The following MSI2 variants were observed in gnomAD, a reference collection of about 807,000 sequenced individuals.
The protein encoded by MSI2 is musashi RNA binding protein 2, also known as RNA-binding protein Musashi homolog 2.
MSI2 carries 17 observed loss-of-function variants against 45.6 expected under a neutral mutation model. That is an observed-to-expected ratio of 0.37 (90% CI 0.26 to 0.56). The LOEUF (loss-of-function observed/expected upper bound fraction) is 0.56, where lower values mean the gene tolerates loss of function less well. MSI2 is among the 20% of genes least tolerant of loss of function. MSI2 has a pLI of 0.77. For missense variants in MSI2, 293 were observed against 444.2 expected, an observed-to-expected ratio of 0.66 and a Z score of 3.06; for synonymous variants, 156 against 158.2, an observed-to-expected ratio of 0.99 and a Z score of 0.11.
chr17:57,299,561 T>G (rs1029511588), intron 5 of MSI2, among the ~76,000 whole-genome samples: 5 of 152,186 alleles, frequency 3.3e-5, no homozygotes, highest in African/African-American at 1.2e-4. Flanking sequence ...AGTGGATCAG[T>G]TAGAACACAC....
chr17:57,494,149 A>G (rs1222338850), intron 6 of MSI2, among the ~76,000 whole-genome samples: 3 of 152,232 alleles, frequency 2.0e-5, no homozygotes, highest in African/African-American at 7.2e-5. Flanking sequence ...CAAGGCTCAG[A>G]GAGGTTCAAC....
At chr17:57,499,375 TA>T (rs55797448) in intron 6 of MSI2, among the ~76,000 whole-genome samples, 36 of 125,794 alleles carry the variant, frequency 2.9e-4, no homozygotes, top group South Asian at 5.4e-4. Flanking sequence ...GATTCTGTCT[TA>T]AAAAAAAAAA....
chr17:57,359,225 G>A (rs78991065), intron 5 of MSI2, among the ~76,000 whole-genome samples: 65 of 152,272 alleles, frequency 4.3e-4, no homozygotes, highest in Middle Eastern at 3.4e-3. Context: ...CCATCAAGCT[G>A]TCTGGGTCTC....
intron 6 of MSI2, among the ~76,000 whole-genome samples, chr17:57,482,765 A>G (rs1409819448): frequency 6.6e-6 from 1 of 152,204 alleles, no homozygotes. Flanking sequence ...TCTGAAGGCT[A>G]TCTGAATGTG....
intron 6 of MSI2, among the ~76,000 whole-genome samples, chr17:57,507,202 C>CTTTG (rs2086250353): frequency 3.4e-5 from 1 of 29,188 alleles, no homozygotes; most frequent in Admixed American, 4.4e-4. Context: ...AATCTCTTCC[C>CTTTG]ATTGGTTTTT....
intron 7 of MSI2, among the ~76,000 whole-genome samples, chr17:57,593,015 G>T (rs142135977): frequency 1.4e-4 from 22 of 152,332 alleles, no homozygotes; most frequent in African/African-American, 2.6e-4. Context: ...AGGATCAAGT[G>T]TGGATCTTTG....
intron 7 of MSI2, among the ~76,000 whole-genome samples, chr17:57,534,559 A>G (rs1263835979): frequency 6.6e-6 from 1 of 151,980 alleles, no homozygotes; most frequent in African/African-American, 2.4e-5. Context: ...TAAAAATACA[A>G]AAATTAGCCG....
chr17:57,469,879 C>T (rs1013682600), intron 6 of MSI2, among the ~76,000 whole-genome samples: 16 of 152,348 alleles, frequency 1.1e-4, no homozygotes, highest in Admixed American at 6.5e-4. Flanking sequence ...GCATGGCCCA[C>T]GGGCCCCTGT....
At chr17:57,660,886 C>G (rs60448052) in intron 11 of MSI2, among the ~76,000 whole-genome samples, 2 of 152,102 alleles carry the variant, frequency 1.3e-5, no homozygotes, top group Admixed American at 6.5e-5. Flanking sequence ...CTTGGTACTA[C>G]GCTAAGGAGA....
In MSI2 at chr17:57,652,294, C is replaced by G; in HGVS notation, c.790+133C>G. 2 of 891,354 alleles carry G rather than the reference C, an allele frequency of 2.2e-6. No homozygotes were observed. The highest frequency in any genetic ancestry group is 3.4e-6 in the Non-Finnish European group (2 of 591,020). The allele number at this position is 891,354 out of a possible 1,614,324, so 55.2% of individuals were successfully genotyped here. A position where few individuals can be genotyped will look rare whatever the true frequency, so the allele number is the denominator to read the frequency against. On this transcript the variant is annotated intron_variant, in intron 11 of 13. Coordinates refer to ENST00000284073, the MANE Select transcript of MSI2 (RefSeq NM_138962.4). This position sits in a 1 kb window ranked among gnomAD's most constrained non-coding sequence, Gnocchi z 4.1. ...ACCACAGCCCCGGGGAGGGGGTGGA[C>G]GGGGAGGGGGTGGACCGGGAGGCGC...
In MSI2 at chr17:57,616,159, TA is replaced by T. The variant is rs566419466; in HGVS notation, c.652+76del. On this transcript the variant is annotated intron_variant, in intron 9 of 13. Coordinates refer to ENST00000284073, the MANE Select transcript of MSI2 (RefSeq NM_138962.4). ...GGCCTCTACTCCCAACTGGGTCACC[TA>T]CCAGTGGGGCAAACTGCTTCACCTT... 3.6e-4 allele frequency: 403 copies of T among 1,109,596 alleles called. 2 individuals carry two copies. The highest frequency in any genetic ancestry group is 5.3e-4 in the Admixed American group (26 of 49,442). 68.7% of individuals were successfully genotyped at this position (1,109,596 alleles called of 1,614,324 possible). A position where few individuals can be genotyped will look rare whatever the true frequency, so the allele number is the denominator to read the frequency against.
chr17:57,338,945 CT>C (rs1914904184), intron 5 of MSI2, among the ~76,000 whole-genome samples: 1 of 152,128 alleles, frequency 6.6e-6, no homozygotes, highest in Non-Finnish European at 1.5e-5. Flanking sequence ...TCTGAAGAGG[CT>C]TTCCAGATCA....
At chr17:57,335,780 G>A (rs915001045) in intron 5 of MSI2, among the ~76,000 whole-genome samples, 7 of 152,192 alleles carry the variant, frequency 4.6e-5, no homozygotes, top group African/African-American at 1.7e-4. Flanking sequence ...CCTTGTGAGT[G>A]CTCTTCAGGG....
At chr17:57,365,858 A>G (rs933288139) in intron 5 of MSI2, among the ~76,000 whole-genome samples, 5 of 152,184 alleles carry the variant, frequency 3.3e-5, no homozygotes, top group Admixed American at 6.5e-5. Context: ...GATGTATCTC[A>G]GTATCTTCTA....
At chr17:57,320,458 T>C (rs1274278020) in intron 5 of MSI2, among the ~76,000 whole-genome samples, 3 of 152,052 alleles carry the variant, frequency 2.0e-5, no homozygotes, top group African/African-American at 7.2e-5. Context: ...TAGGGAGGAT[T>C]GTTAGGTATG....
chr17:57,522,511 A>C (rs1221562844), intron 6 of MSI2: 2 of 152,222 alleles, frequency 1.3e-5, no homozygotes, highest in East Asian at 1.9e-4. Flanking sequence ...CATCGGCCAC[A>C]GCAAAGCTCT....
In MSI2 at chr17:57,256,750, CA is replaced by C; in HGVS notation, c.11del (p.Asn4MetfsTer25). On this transcript the variant is annotated frameshift_variant, in exon 1 of 14. Transcript: ENST00000284073. LOFTEE classifies it high-confidence loss of function. ...GGGCGGGGGGGCTCAGATATGGAGGCAAATGGGAGCCAAGGCACCTCGGGCA... is the reference window on the plus strand; with the variant it reads ...GGGCGGGGGGGCTCAGATATGGAGGCAATGGGAGCCAAGGCACCTCGGGCA... ME[A>X]NGSQGTSGSA... The C allele has an allele frequency of 6.8e-7, 1 of 1,461,740 alleles. No homozygotes were observed. The allele number at this position is 1,461,740 out of a possible 1,614,324, so 90.5% of individuals were successfully genotyped here.
intron 5 of MSI2, among the ~76,000 whole-genome samples, chr17:57,335,364 C>A (rs951717468): frequency 1.3e-5 from 2 of 152,228 alleles, no homozygotes; most frequent in Admixed American, 1.3e-4. Flanking sequence ...CCAGCCAGCT[C>A]TTAAACGGGC....
At chr17:57,441,387 G>A (rs1421540188) in intron 6 of MSI2, among the ~76,000 whole-genome samples, 1 of 152,114 alleles carries the variant, frequency 6.6e-6, no homozygotes, top group Non-Finnish European at 1.5e-5. Flanking sequence ...CACACTGCCT[G>A]CTCTGTCACC....
Sources: gnomAD v4.1 joint callset for allele counts (sites outside exome capture counted in the v4.1 genomes callset) on GRCh38, gnomAD v4.1.1 for gene constraint, Gnocchi (gnomAD v3.1) non-coding constraint, MANE v1.5 for transcripts, NCBI Gene and HGNC (gene_info 2026-07-23, HGNC 2026-07-21) for gene names.